L3MBTL4: variants seen among roughly 807,000 people sequenced by gnomAD.
The protein encoded by L3MBTL4 is lethal(3)malignant brain tumor-like protein 4.
Under a neutral mutation model 84.5 loss-of-function variants are expected in L3MBTL4, and 70 were observed. The observed-to-expected ratio is 0.83, with a 90% CI of 0.68 to 1.01. The LOEUF is 1.01. L3MBTL4 is among the 50% of genes least tolerant of loss of function. The pLI is 0.00. For synonymous variants in L3MBTL4, 274 were observed against 259.8 expected, an observed-to-expected ratio of 1.05 and a Z score of -0.52; for missense variants, 715 against 754.8, an observed-to-expected ratio of 0.95 and a Z score of 0.62.
chr18:6,322,482 G>GAAGGAAGA (rs1226219705), intron 1 of L3MBTL4, among the ~76,000 whole-genome samples: 1 of 144,102 alleles, frequency 6.9e-6, no homozygotes, highest in East Asian at 2.0e-4. Flanking sequence ...AGGAAGGAAG[G>GAAGGAAGA]AAGGAAGGAA....
chr18:6,276,949 T>A (rs1481368992), intron 4 of L3MBTL4, among the ~76,000 whole-genome samples: 2 of 152,080 alleles, frequency 1.3e-5, no homozygotes, highest in Non-Finnish European at 2.9e-5. Flanking sequence ...GAAAACATCC[T>A]TCAAAAATGA....
intron 1 of L3MBTL4, among the ~76,000 whole-genome samples, chr18:6,338,677 A>G (rs757764884): frequency 7.9e-5 from 12 of 152,010 alleles, no homozygotes; most frequent in Non-Finnish European, 1.5e-5. Context: ...GGAGTCAAAT[A>G]CTCTAATTAA....
intron 14 of L3MBTL4, among the ~76,000 whole-genome samples, chr18:6,112,772 T>C (rs986500795): frequency 1.3e-5 from 2 of 152,202 alleles, no homozygotes; most frequent in African/African-American, 2.4e-5. Context: ...TAGGATGTCA[T>C]AGTTATATTT....
intron 12 of L3MBTL4, among the ~76,000 whole-genome samples, chr18:6,173,877 A>G (rs1441805309): frequency 6.6e-6 from 1 of 152,176 alleles, no homozygotes. Context: ...TCTGAAGCCA[A>G]GCAGAGAGTA....
chr18:6,136,688 AC>A (rs571633581), intron 14 of L3MBTL4, among the ~76,000 whole-genome samples: 1 of 151,924 alleles, frequency 6.6e-6, no homozygotes, highest in Admixed American at 6.6e-5. Context: ...AGGGTATTTA[AC>A]CCCCCTAAAA....
chr18:6,279,349 G>A (rs1265715522), intron 4 of L3MBTL4, among the ~76,000 whole-genome samples: 1 of 151,702 alleles, frequency 6.6e-6, no homozygotes, highest in African/African-American at 2.4e-5. Flanking sequence ...AGGGGAAGGA[G>A]AAGGAGAGGA....
intron 14 of L3MBTL4, among the ~76,000 whole-genome samples, chr18:6,120,477 T>G (rs2059490615): frequency 6.6e-6 from 1 of 152,168 alleles, no homozygotes; most frequent in Admixed American, 6.5e-5. Flanking sequence ...TTGAGGTCAT[T>G]TTTGTTTGAA....
intron 10 of L3MBTL4, among the ~76,000 whole-genome samples, chr18:6,222,554 A>C (rs1317101002): frequency 6.6e-6 from 1 of 152,156 alleles, no homozygotes; most frequent in Non-Finnish European, 1.5e-5. Flanking sequence ...CAGAGTAATG[A>C]GTTCTATTTC....
intron 14 of L3MBTL4, among the ~76,000 whole-genome samples, chr18:6,106,270 C>T (rs77907371): frequency 0.028 from 4,286 of 152,220 alleles, 205 homozygotes; most frequent in African/African-American, 0.099. Flanking sequence ...TTATGAAACA[C>T]CTGGCACAAT....
chr18:6,413,588 A>G (rs1446770031), intron 1 of L3MBTL4, among the ~76,000 whole-genome samples: 9 of 151,190 alleles, frequency 6.0e-5, no homozygotes, highest in Admixed American at 5.9e-4. Flanking sequence ...AGAAAACCGA[A>G]GAGCCACACT....
intron 16 of L3MBTL4, among the ~76,000 whole-genome samples, chr18:6,043,772 A>G (rs759657086): frequency 2.6e-5 from 4 of 152,248 alleles, no homozygotes; most frequent in Non-Finnish European, 5.9e-5. Flanking sequence ...TGTTTATTAA[A>G]TAAATGAATG....
intron 16 of L3MBTL4, among the ~76,000 whole-genome samples, chr18:6,002,136 T>C (rs918748977): frequency 1.2e-4 from 19 of 152,024 alleles, no homozygotes; most frequent in African/African-American, 4.6e-4. Flanking sequence ...TGCAGTAGAA[T>C]GATATACTTA....
intron 14 of L3MBTL4, among the ~76,000 whole-genome samples, chr18:6,127,317 C>T (rs1351654212): frequency 6.6e-6 from 1 of 152,090 alleles, no homozygotes; most frequent in East Asian, 1.9e-4. Flanking sequence ...CGTCAGCTGT[C>T]GTTAGTGGTA....
Position 6,051,499 on chromosome 18 carries a change from A to G in L3MBTL4, c.1444+29382T>C, listed in dbSNP as rs573820004. The stretch of plus-strand genomic sequence containing the variant: ...GGTTGCAGTGAGCTGAGATCATGCC[A>G]TTGCATTCCAGCCTGGGCGGCGCAG... On this transcript the variant is annotated intron_variant, in intron 16 of 18. Coordinates refer to ENST00000317931, the MANE Select transcript of L3MBTL4 (RefSeq NM_001330559.2). 2.6e-5 allele frequency among the ~76,000 whole-genome samples: 4 copies of G among 151,980 alleles called. 1 individual carries two copies. In the South Asian group the frequency reaches 8.3e-4, roughly 32 times the overall value.
chr18:6,319,761 C>T (rs575538561), intron 1 of L3MBTL4, among the ~76,000 whole-genome samples: 5 of 152,106 alleles, frequency 3.3e-5, no homozygotes, highest in Non-Finnish European at 4.4e-5. Flanking sequence ...AGAGGAAATC[C>T]TCCCTAACTC....
At chr18:6,068,334 C>A (rs571862663) in intron 16 of L3MBTL4, among the ~76,000 whole-genome samples, 9 of 152,064 alleles carry the variant, frequency 5.9e-5, no homozygotes, top group Non-Finnish European at 1.0e-4. Flanking sequence ...TAAAGAGATG[C>A]ATAGATATAT....
At chr18:6,316,704 C>T (rs2051119418) in intron 1 of L3MBTL4, among the ~76,000 whole-genome samples, 1 of 152,176 alleles carries the variant, frequency 6.6e-6, no homozygotes, top group African/African-American at 2.4e-5. Context: ...AAACAGGTGC[C>T]TGTCTGATAG....
intron 1 of L3MBTL4, among the ~76,000 whole-genome samples, chr18:6,351,842 C>T (rs980886341): frequency 5.9e-5 from 9 of 152,118 alleles, no homozygotes; most frequent in Middle Eastern, 3.4e-3. Context: ...TGAGCAACCG[C>T]GCCCAGCCTA....
chr18:5,999,160 C>A (rs1021640883), intron 16 of L3MBTL4, among the ~76,000 whole-genome samples: 1 of 152,174 alleles, frequency 6.6e-6, no homozygotes, highest in African/African-American at 2.4e-5. Context: ...GCCACAGAGC[C>A]TTGAGGATGC....
Sources: allele counts gnomAD v4.1 joint callset (sites outside exome capture counted in the v4.1 genomes callset), GRCh38; gene constraint gnomAD v4.1.1; transcripts MANE v1.5; gene names NCBI Gene and HGNC (gene_info 2026-07-23, HGNC 2026-07-21).